MFNG: variants seen among roughly 807,000 people sequenced by gnomAD.
The protein encoded by MFNG is MFNG O-fucosylpeptide 3-beta-N-acetylglucosaminyltransferase, also known as beta-1,3-N-acetylglucosaminyltransferase manic fringe.
A neutral mutation model predicts 34.2 loss-of-function variants in MFNG; 24 were observed. The observed-to-expected ratio is 0.70, with a 90% CI of 0.51 to 0.99. MFNG has a LOEUF of 0.99. Among genes scored for constraint, MFNG ranks in the 50% least tolerant of loss-of-function variants. The pLI is 0.00. For synonymous variants in MFNG, 158 were observed against 179.2 expected (o/e 0.88, Z 0.94); for missense variants, 383 against 424.0 (o/e 0.90, Z 0.85).
chr22:37,486,217 C>T lies in MFNG; in HGVS notation c.-40G>A. The T allele has an allele frequency of 3.4e-6, 5 of 1,481,486 alleles. No homozygotes were observed. Among genetic ancestry groups the T allele is most frequent in the Non-Finnish European group, 4.5e-6 (5 of 1,117,256 alleles). 91.8% of individuals were successfully genotyped at this position (1,481,486 alleles called of 1,614,324 possible). A position where few individuals can be genotyped will look rare whatever the true frequency, so the allele number is the denominator to read the frequency against. ...ACCCCAGACAGCTCAGCCCCCAAAT[C>T]CCAACCAGACAGGGAGGGGAAGCTG... On this transcript the variant is annotated 5_prime_UTR_variant, in exon 1 of 8. Coordinates refer to ENST00000356998, the MANE Select transcript of MFNG (RefSeq NM_002405.4).
intron 3 of MFNG, 22 bp downstream of exon 3, chr22:37,480,175 C>G: frequency 6.3e-7 from 1 of 1,584,970 alleles, no homozygotes; most frequent in Non-Finnish European, 8.6e-7. Context: ...ACACTTATCC[C>G]CAGAGACCCA....
chr22:37,485,916 T>A lies in MFNG; in HGVS notation c.255+7A>T, dbSNP rs760114750. The A allele has an allele frequency of 1.1e-4, 182 of 1,610,800 alleles. No individual in the cohort carries two copies. The highest frequency in any genetic ancestry group is 1.5e-4 in the Non-Finnish European group (176 of 1,178,008). On this transcript the variant is annotated splice_region_variant and intron_variant, in intron 1 of 7. Transcript: ENST00000356998. The surrounding 1 kb of genome is among the most constrained non-coding windows in gnomAD (Gnocchi z 5.3). Reference sequence around the variant, plus strand: ...ACCCCCAGGGCCCAATGTCACCCACTTGTCACCTGTTCCCTGGTCCTGGAA... The same window carrying A: ...ACCCCCAGGGCCCAATGTCACCCACATGTCACCTGTTCCCTGGTCCTGGAA...
rs372219546 is a variant in MFNG at position 37,479,403 on chromosome 22, C to G, written c.503G>C (p.Gly168Ala). ...GATGGGCCGGTTCAGGCTGGGCCTT[C>G]CCACATAGACGTCGCGGGCCAGCGG... ...AFPLARDVYVGRPSLNRPIHA... is the reference protein window; with the variant it reads ...AFPLARDVYVARPSLNRPIHA... The change falls in exon 4 of 8, where the codon GGA (glycine) becomes GCA (alanine). Residue 168 changes from glycine (G) to alanine (A), a missense_variant. Coordinates refer to ENST00000356998, the MANE Select transcript of MFNG (RefSeq NM_002405.4). 1 of 1,608,578 alleles carries G rather than the reference C, an allele frequency of 6.2e-7. No individual in the cohort carries two copies. The highest frequency in any genetic ancestry group is 1.1e-5 in the South Asian group (1 of 90,312).
chr22:37,475,659 A>T (rs2145729730), intron 5 of MFNG, among the ~76,000 whole-genome samples: 1 of 152,222 alleles, frequency 6.6e-6, no homozygotes, highest in African/African-American at 2.4e-5. Flanking sequence ...GTGGGTGTGG[A>T]AATCCAGCCT....
intron 5 of MFNG, 51 bp from the exon 6 acceptor site, chr22:37,474,728 G>A (rs1433259997): frequency 6.5e-7 from 1 of 1,533,190 alleles, no homozygotes; most frequent in South Asian, 1.3e-5. Flanking sequence ...TCCACACCCA[G>A]AGCCGTGGGC....
intron 7 of MFNG, among the ~76,000 whole-genome samples, chr22:37,470,698 G>A (rs1008806464): frequency 9.9e-5 from 15 of 152,216 alleles, no homozygotes; most frequent in African/African-American, 3.6e-4. Flanking sequence ...TCTGCCCCAG[G>A]ACAGGCAGCA....
At chr22:37,477,244 T>C (rs532999797) in intron 4 of MFNG, among the ~76,000 whole-genome samples, 2 of 152,208 alleles carry the variant, frequency 1.3e-5, no homozygotes, top group South Asian at 4.2e-4. Context: ...AGGGGACAGG[T>C]GTTGTTTTAC....
At chr22:37,470,116 C>T (rs1226139292) in intron 7 of MFNG, 87 bp from the exon 8 acceptor site, 3 of 1,009,450 alleles carry the variant, frequency 3.0e-6, no homozygotes, top group South Asian at 3.0e-5. Flanking sequence ...GCCACAGAGG[C>T]GGTTTGGAGC....
At chr22:37,474,447 TG>T in intron 6 of MFNG, 64 bp downstream of exon 6, 1 of 1,572,062 alleles carries the variant, frequency 6.4e-7, no homozygotes, top group Non-Finnish European at 8.7e-7. Flanking sequence ...GAGGGAGGGT[TG>T]GGGGGACCCC....
intron 7 of MFNG, among the ~76,000 whole-genome samples, chr22:37,471,087 T>C (rs2145724742): frequency 6.6e-6 from 1 of 152,164 alleles, no homozygotes; most frequent in East Asian, 1.9e-4. Flanking sequence ...TATACTGGCA[T>C]ACTCACCCTC....
chr22:37,479,244 C>T, intron 4 of MFNG, 101 bp downstream of exon 4: 1 of 1,347,660 alleles, frequency 7.4e-7, no homozygotes, highest in Non-Finnish European at 9.7e-7. Flanking sequence ...AACCTGAAAC[C>T]CAGAACCCCT....
At position 37,486,144 on chromosome 22, in the gene MFNG, C is replaced by A; in HGVS notation, c.34G>T (p.Ala12Ser). Reference protein sequence around the residue: ...QCRLPRGLAGALLTLLCMGLL... With the variant: ...QCRLPRGLAGSLLTLLCMGLL... ...CCCATGCACAGGAGGGTGAGGAGGGCTCCAGCCAGGCCCCGCGGGAGCCGG... is the reference window on the plus strand; with the variant it reads ...CCCATGCACAGGAGGGTGAGGAGGGATCCAGCCAGGCCCCGCGGGAGCCGG... Residue 12 changes from alanine (A) to serine (S), a missense_variant, in exon 1 of 8, where the codon GCC becomes TCC. Physicochemically the swap from Ala to Ser is moderately conservative, Grantham distance 99. Coordinates refer to ENST00000356998, the MANE Select transcript of MFNG (RefSeq NM_002405.4). 6.3e-7 allele frequency: 1 copy of A among 1,592,956 alleles called. No homozygotes were observed.
At position 37,472,533 on chromosome 22, in the gene MFNG, G is replaced by C; in HGVS notation, c.814-5C>G. 1 of 1,579,572 alleles carries C rather than the reference G, an allele frequency of 6.3e-7. No individual in the cohort carries two copies. Among genetic ancestry groups the C allele is most frequent in the Non-Finnish European group, 8.6e-7 (1 of 1,165,618 alleles). On this transcript the variant is annotated splice_region_variant and splice_polypyrimidine_tract_variant and intron_variant, in intron 6 of 7. Transcript: ENST00000356998. ...GACACCGTAGCTGAGGGTGACCTGGGCAGGGAGATAGAAGAGTGTTGGGGC... is the reference window on the plus strand; with the variant it reads ...GACACCGTAGCTGAGGGTGACCTGGCCAGGGAGATAGAAGAGTGTTGGGGC...
In MFNG at chr22:37,482,436, CACACACGCACACACACGCACGCAT is replaced by C. The variant is rs1922335648; in HGVS notation, c.256-1691_256-1668del. On this transcript the variant is annotated intron_variant, in intron 1 of 7. Transcript: ENST00000356998. The surrounding 1 kb of genome is among the most constrained non-coding windows in gnomAD (Gnocchi z 4.1). ...TCTCTCTGTCTCTCTCTCTCACACA[CACACACGCACACACACGCACGCAT>C]ACACACACACACACACACACGCACG... Among the ~76,000 whole-genome samples the C allele has an allele frequency of 7.8e-6, 1 of 128,404 alleles. No individual in the cohort carries two copies. The highest frequency in any genetic ancestry group is 2.3e-4 in the South Asian group (1 of 4,304). The allele number at this position is 128,404 out of a possible 152,430, so 84.2% of individuals were successfully genotyped here. A position where few individuals can be genotyped will look rare whatever the true frequency, so the allele number is the denominator to read the frequency against.
intron 1 of MFNG, chr22:37,480,991 C>A: frequency 1.7e-6 from 1 of 575,144 alleles, no homozygotes. Context: ...AGTCTAAACA[C>A]ATACACTCAC....
At chr22:37,471,650 G>C (rs1055725731) in intron 7 of MFNG, among the ~76,000 whole-genome samples, 2 of 152,038 alleles carry the variant, frequency 1.3e-5, no homozygotes, top group Non-Finnish European at 2.9e-5. Context: ...GGCCAACATG[G>C]TGAAACCCCG....
chr22:37,474,056 T>C (rs1921928549), intron 6 of MFNG, among the ~76,000 whole-genome samples: 1 of 152,154 alleles, frequency 6.6e-6, no homozygotes, highest in Non-Finnish European at 1.5e-5. Flanking sequence ...ACCTCAGGGT[T>C]GGCAGGAACA....
chr22:37,479,282 C>T, intron 4 of MFNG, 63 bp downstream of exon 4: 1 of 1,480,528 alleles, frequency 6.8e-7, no homozygotes, highest in Admixed American at 2.5e-5. Flanking sequence ...CCCCCACCCC[C>T]AGGACCGGCC....
rs761550375 is a variant in MFNG at position 37,485,899 on chromosome 22, G to A, written c.255+24C>T. 6.2e-7 allele frequency: 1 copy of A among 1,600,754 alleles called. No individual in the cohort carries two copies. Among genetic ancestry groups the A allele is most frequent in the African/African-American group, 1.3e-5 (1 of 74,816 alleles). On this transcript the variant is annotated intron_variant, in intron 1 of 7. Transcript: ENST00000356998. The surrounding 1 kb of genome is among the most constrained non-coding windows in gnomAD (Gnocchi z 5.3). ...CCCTTAGGCCAGGGGCCACCCCCAG[G>A]GCCCAATGTCACCCACTTGTCACCT... is the stretch of plus-strand genomic sequence containing the variant.
Sources: gnomAD v4.1 joint callset for allele counts (sites outside exome capture counted in the v4.1 genomes callset) on GRCh38, gnomAD v4.1.1 for gene constraint, Gnocchi (gnomAD v3.1) non-coding constraint, MANE v1.5 for transcripts, NCBI Gene and HGNC (gene_info 2026-07-23, HGNC 2026-07-21) for gene names.